WDR43: variants seen among roughly 807,000 people sequenced by gnomAD.
WDR43 encodes WD repeat-containing protein 43.
A neutral mutation model predicts 91.4 loss-of-function variants in WDR43; 13 were observed. The observed-to-expected ratio is 0.14, with a 90% confidence interval of 0.09 to 0.23. WDR43 has a LOEUF of 0.23. WDR43 is among the 10% of genes least tolerant of loss of function. The pLI, the probability that WDR43 is intolerant of heterozygous loss-of-function variation, is 1.00. For missense variants in WDR43, 780 were observed against 809.4 expected (o/e 0.96, Z 0.44); for synonymous variants, 331 against 287.9 (o/e 1.15, Z -1.51).
intron 3 of WDR43, among the ~76,000 whole-genome samples, chr2:28,909,064 A>G (rs545739017): frequency 7.2e-5 from 11 of 152,068 alleles, no homozygotes; most frequent in East Asian, 3.9e-4. Flanking sequence ...CAGTCAGTCA[A>G]TTTTATTCAT....
intron 7 of WDR43, among the ~76,000 whole-genome samples, chr2:28,924,733 C>T (rs745368920): frequency 2.0e-5 from 3 of 151,804 alleles, no homozygotes; most frequent in East Asian, 3.9e-4. Flanking sequence ...GGCTTCTTGG[C>T]GGGGCCTGAA....
rs1670824973 is a variant in WDR43 at position 28,912,668 on chromosome 2, A to T, written c.564A>T (p.Arg188=). The T allele has an allele frequency of 6.2e-7, 1 of 1,614,030 alleles. No homozygotes were observed. Among genetic ancestry groups the T allele is most frequent in the Non-Finnish European group, 8.5e-7 (1 of 1,179,892 alleles). ...PDGKMLLSAG[R]TIKLWVLETK... ...GAAAGATGTTGCTTTCAGCTGGTCG[A>T]ACAATCAAACTATGGGTTTTGGAGA... The change falls in exon 4 of 18, where the codon CGA becomes CGT. Residue 188 remains arginine (R), a synonymous_variant. Coordinates refer to ENST00000407426, the MANE Select transcript of WDR43 (RefSeq NM_015131.3).
intron 9 of WDR43, chr2:28,926,976 G>A (rs1671153618): frequency 2.0e-6 from 1 of 488,948 alleles, no homozygotes; most frequent in Non-Finnish European, 4.2e-6. Context: ...AAGCATAGGA[G>A]CATCATCATG....
intron 10 of WDR43, among the ~76,000 whole-genome samples, chr2:28,928,345 C>G (rs541315805): frequency 5.3e-4 from 81 of 151,802 alleles, no homozygotes; most frequent in Non-Finnish European, 9.0e-4. Context: ...GATAATTTAG[C>G]TGATTTTAAA....
At chr2:28,934,495 A>G (rs560741538) in intron 11 of WDR43, among the ~76,000 whole-genome samples, 3 of 152,228 alleles carry the variant, frequency 2.0e-5, no homozygotes, top group Non-Finnish European at 4.4e-5. Flanking sequence ...AGTTATAACT[A>G]TGGCTTATAG....
At chr2:28,909,478 T>G (rs536988726) in intron 3 of WDR43, among the ~76,000 whole-genome samples, 2 of 152,252 alleles carry the variant, frequency 1.3e-5, no homozygotes, top group South Asian at 4.2e-4. Flanking sequence ...ATTGTGAGTG[T>G]GTTTTGATTT....
chr2:28,938,094 A>G lies in WDR43; in HGVS notation c.1620+100A>G, dbSNP rs1572602887. 5 of 1,290,804 alleles carry G rather than the reference A, an allele frequency of 3.9e-6. No homozygotes were observed. In the East Asian group the frequency reaches 7.3e-5, roughly 19 times the overall value. 80.0% of individuals were successfully genotyped at this position (1,290,804 alleles called of 1,614,324 possible). On this transcript the variant is annotated intron_variant, in intron 14 of 17. Transcript: ENST00000407426. Reference sequence around the variant, plus strand: ...GGCTGAACAAAACCATCCTTTCCCCATCTATCCTTCAGCCGTTAGATGCTT... The same window carrying G: ...GGCTGAACAAAACCATCCTTTCCCCGTCTATCCTTCAGCCGTTAGATGCTT...
chr2:28,905,663 C>CTTTTTTT (rs1434158898), intron 2 of WDR43, among the ~76,000 whole-genome samples: 2 of 129,186 alleles, frequency 1.5e-5, no homozygotes, highest in Non-Finnish European at 3.2e-5. Flanking sequence ...CTCTCTTCTT[C>CTTTTTTT]TCTTTTTTTT....
At chr2:28,894,994 G>A in intron 1 of WDR43, 71 bp downstream of exon 1, 1 of 1,391,214 alleles carries the variant, frequency 7.2e-7, no homozygotes, top group Non-Finnish European at 9.4e-7. Context: ...GCCGGGTGGC[G>A]CGTGGTCCGG....
chr2:28,917,034 A>G (rs982360308), intron 5 of WDR43, among the ~76,000 whole-genome samples: 4 of 152,222 alleles, frequency 2.6e-5, no homozygotes, highest in African/African-American at 7.2e-5. Context: ...TAGGAACACC[A>G]TAGAGCACTT....
At chr2:28,926,436 C>G in intron 8 of WDR43, 32 bp from the exon 9 acceptor site, 1 of 1,446,964 alleles carries the variant, frequency 6.9e-7, no homozygotes, top group Non-Finnish European at 9.3e-7. Context: ...TCTTTCCTCT[C>G]ATCTTCCCCT....
rs191666233 is a variant in WDR43 at position 28,900,197 on chromosome 2, G to T, written c.226-1790G>T. 1.3e-3 allele frequency among the ~76,000 whole-genome samples: 201 copies of T among 152,016 alleles called. 1 individual carries two copies. Among genetic ancestry groups the T allele is most frequent in the Non-Finnish European group, 2.4e-3 (160 of 67,960 alleles). On this transcript the variant is annotated intron_variant, in intron 1 of 17. Transcript: ENST00000407426. Reference sequence around the variant, plus strand: ...AAAGATTTCATGGAATCTTTTTTTCGTTTTGTTTTGTTTGAGATGAGTCTC... The same window carrying T: ...AAAGATTTCATGGAATCTTTTTTTCTTTTTGTTTTGTTTGAGATGAGTCTC...
In WDR43 at chr2:28,946,879, T is replaced by A. The variant is rs1671553008; in HGVS notation, c.*100T>A. 7.3e-7 allele frequency: 1 copy of A among 1,376,796 alleles called. No homozygotes were observed. Among genetic ancestry groups the A allele is most frequent in the Non-Finnish European group, 9.6e-7 (1 of 1,043,716 alleles). 85.3% of individuals were successfully genotyped at this position (1,376,796 alleles called of 1,614,324 possible). On this transcript the variant is annotated 3_prime_UTR_variant, in exon 18 of 18. Transcript: ENST00000407426. Reference sequence around the variant, plus strand: ...CAGGATGCCAAGGACCGCTGCACATTTCCAAATTCACAGCAGTGGATCCCA... The same window carrying A: ...CAGGATGCCAAGGACCGCTGCACATATCCAAATTCACAGCAGTGGATCCCA...
At chr2:28,914,785 C>T (rs1048397938) in intron 5 of WDR43, among the ~76,000 whole-genome samples, 8 of 151,982 alleles carry the variant, frequency 5.3e-5, no homozygotes, top group East Asian at 1.9e-4. Flanking sequence ...AAAAATTAGC[C>T]GGGCATGGTG....
At chr2:28,918,022 G>T (rs1244628710) in intron 6 of WDR43, 27 bp downstream of exon 6, 2 of 1,531,442 alleles carry the variant, frequency 1.3e-6, no homozygotes, top group Non-Finnish European at 1.8e-6. Flanking sequence ...TTGAGAATTT[G>T]TTTTTGGGTT....
chr2:28,906,578 AGTG>A lies in WDR43; in HGVS notation c.485+1_485+3del, dbSNP rs1224933857. The A allele has an allele frequency of 1.2e-6, 2 of 1,611,696 alleles. No individual in the cohort carries two copies. The highest frequency in any genetic ancestry group is 1.3e-5 in the African/African-American group (1 of 74,976). On this transcript the variant is annotated inframe_deletion and splice_region_variant, in exon 3 of 18. Coordinates refer to ENST00000407426, the MANE Select transcript of WDR43 (RefSeq NM_015131.3). ...TGGAACGTACAGACATGCAAAGTAA[AGTG>A]GTGAGTAACATTCATGGTATCAGGA...
chr2:28,946,817 G>A lies in WDR43; in HGVS notation c.*38G>A. 6.6e-7 allele frequency: 1 copy of A among 1,521,632 alleles called. No homozygotes were observed. Among genetic ancestry groups the A allele is most frequent in the Non-Finnish European group, 8.8e-7 (1 of 1,138,804 alleles). 94.3% of individuals were successfully genotyped at this position (1,521,632 alleles called of 1,614,324 possible). A position where few individuals can be genotyped will look rare whatever the true frequency, so the allele number is the denominator to read the frequency against. ...AAGCCGGTCAAACTATATAAACTCT[G>A]GCTCACCTTGCCCAGTGGTGAGGGC... On this transcript the variant is annotated 3_prime_UTR_variant, in exon 18 of 18. Transcript: ENST00000407426.
chr2:28,945,130 T>C (rs1671522022), intron 16 of WDR43, among the ~76,000 whole-genome samples: 1 of 152,180 alleles, frequency 6.6e-6, no homozygotes, highest in East Asian at 1.9e-4. Context: ...GTGGTTTCTT[T>C]TGGGGAATGG....
chr2:28,942,261 C>T lies in WDR43; in HGVS notation c.1735-51C>T, dbSNP rs1671452564. 23 of 1,576,592 alleles carry T rather than the reference C, an allele frequency of 1.5e-5. 1 individual carries two copies. In the South Asian group the frequency reaches 2.6e-4, roughly 18 times the overall value. On this transcript the variant is annotated intron_variant, in intron 15 of 17. Coordinates refer to ENST00000407426, the MANE Select transcript of WDR43 (RefSeq NM_015131.3). ...GTTGGGTATGCTGGTGGTCGTGATACTTGGGATATGTTTACACTCTACTTC... is the reference window on the plus strand; with the variant it reads ...GTTGGGTATGCTGGTGGTCGTGATATTTGGGATATGTTTACACTCTACTTC...
Sources: gnomAD v4.1 joint callset for allele counts (sites outside exome capture counted in the v4.1 genomes callset) on GRCh38, gnomAD v4.1.1 for gene constraint, MANE v1.5 for transcripts, NCBI Gene and HGNC (gene_info 2026-07-23, HGNC 2026-07-21) for gene names.